Variants in PITPNA observed in about 807,000 individuals in gnomAD.
The protein encoded by PITPNA is phosphatidylinositol transfer protein alpha isoform.
A neutral mutation model predicts 50.3 loss-of-function variants in PITPNA; 13 were observed. That is an observed-to-expected ratio of 0.26 (90% confidence interval 0.17 to 0.41). The LOEUF is 0.41. Among genes scored for constraint, PITPNA ranks in the 10% least tolerant of loss-of-function variants. PITPNA has a pLI of 1.00. For missense variants in PITPNA, 207 were observed against 333.4 expected, an observed-to-expected ratio of 0.62 and a Z score of 2.95; for synonymous variants, 120 against 119.6, an observed-to-expected ratio of 1.00 and a Z score of -0.02.
chr17:1,551,287 T>TC (rs921001036), intron 3 of PITPNA, among the ~76,000 whole-genome samples: 1 of 151,308 alleles, frequency 6.6e-6, no homozygotes, highest in African/African-American at 2.4e-5. Flanking sequence ...TTCTTTTTTT[T>TC]CTTTTTTTTT....
chr17:1,553,225 T>G (rs980446919), intron 2 of PITPNA, 76 bp from the exon 3 acceptor site: 1 of 1,503,172 alleles, frequency 6.7e-7, no homozygotes, highest in Non-Finnish European at 9.2e-7. Context: ...TGCCAGTAAG[T>G]GTCTAACTGG....
chr17:1,543,585 C>T (rs1453050964), intron 4 of PITPNA, among the ~76,000 whole-genome samples: 1 of 152,148 alleles, frequency 6.6e-6, no homozygotes, highest in African/African-American at 2.4e-5. Context: ...GGGGAACAGA[C>T]TAGCTCTGCT....
intron 10 of PITPNA, among the ~76,000 whole-genome samples, chr17:1,529,983 G>A (rs777778062): frequency 2.0e-5 from 3 of 151,928 alleles, no homozygotes; most frequent in Admixed American, 1.3e-4. Context: ...ATTATAAAAC[G>A]TCCTCAACTT....
chr17:1,532,799 C>G (rs2075592583), intron 10 of PITPNA, among the ~76,000 whole-genome samples: 1 of 152,170 alleles, frequency 6.6e-6, no homozygotes, highest in South Asian at 2.1e-4. Context: ...GGGACTGTGC[C>G]CCAATGAAAT....
At chr17:1,526,533 A>G (rs1030735567) in intron 10 of PITPNA, among the ~76,000 whole-genome samples, 1 of 152,226 alleles carries the variant, frequency 6.6e-6, no homozygotes, top group South Asian at 2.1e-4. Context: ...ACCATTTACA[A>G]AAGTTTTCAA....
At position 1,547,448 on chromosome 17, in the gene PITPNA, G is replaced by A. The variant is rs541161261; in HGVS notation, c.289+848C>T. Among the ~76,000 whole-genome samples the A allele has an allele frequency of 5.3e-5, 8 of 152,174 alleles. No homozygotes were observed. In the South Asian group the frequency reaches 1.5e-3, roughly 28 times the overall value. The stretch of plus-strand genomic sequence containing the variant: ...GTGGATCACTTGAAGTCAGGAGTTC[G>A]AGACCAGCCTGGCCAACATGGTGAA... On this transcript the variant is annotated intron_variant, in intron 4 of 11. Coordinates refer to ENST00000313486, the MANE Select transcript of PITPNA (RefSeq NM_006224.4).
intron 9 of PITPNA, 113 bp from the exon 10 acceptor site, chr17:1,534,334 G>T (rs1469473049): frequency 7.5e-7 from 1 of 1,325,512 alleles, no homozygotes; most frequent in African/African-American, 1.5e-5. Context: ...CGGGCGGACA[G>T]GAGGAGGAGT....
chr17:1,522,820 T>C (rs1266543476), intron 10 of PITPNA, among the ~76,000 whole-genome samples: 2 of 152,228 alleles, frequency 1.3e-5, no homozygotes, highest in African/African-American at 2.4e-5. Context: ...CAGCTAGGAC[T>C]GTGGGCTGCT....
chr17:1,534,180 G>C lies in PITPNA; in HGVS notation c.687C>G (p.Phe229Leu), dbSNP rs1246702642. ...GGTCAACCCACTTATCGAGCCAACA[G>C]AACAGCTGCCTGTGGAAGTTTGTAA... The part of the protein sequence containing the change: ...RLFTNFHRQL[F>L]CWLDKWVDLT... The change falls in exon 10 of 12, where the codon TTC becomes TTG. Residue 229 changes from phenylalanine to leucine, a missense_variant. Physicochemically the swap from Phe to Leu is conservative, Grantham distance 22 (BLOSUM62 0). Transcript: ENST00000313486. 3.1e-6 allele frequency: 5 copies of C among 1,613,752 alleles called. No individual in the cohort carries two copies. The highest frequency in any genetic ancestry group is 3.4e-6 in the Non-Finnish European group (4 of 1,179,848).
intron 4 of PITPNA, among the ~76,000 whole-genome samples, chr17:1,547,976 A>G (rs2075686335): frequency 6.6e-6 from 1 of 152,254 alleles, no homozygotes; most frequent in African/African-American, 2.4e-5. Flanking sequence ...TCTGGGCAAC[A>G]GAGCGAGACT....
intron 4 of PITPNA, among the ~76,000 whole-genome samples, chr17:1,544,715 A>C (rs1353420324): frequency 1.3e-5 from 2 of 152,240 alleles, no homozygotes; most frequent in Non-Finnish European, 2.9e-5. Context: ...AGGCGGGCGG[A>C]TCACCTGAGG....
At chr17:1,541,519 A>C in intron 6 of PITPNA, 47 bp downstream of exon 6, 2 of 1,344,422 alleles carry the variant, frequency 1.5e-6, no homozygotes, top group South Asian at 1.2e-5. Flanking sequence ...GCTACAAGGC[A>C]GAGACTCAAG....
intron 3 of PITPNA, among the ~76,000 whole-genome samples, 199 bp from the exon 4 acceptor site, chr17:1,548,586 C>T (rs2075691172): frequency 2.0e-5 from 3 of 152,072 alleles, no homozygotes; most frequent in Admixed American, 2.0e-4. Context: ...CCACGACGTG[C>T]CCCACCAGCC....
At position 1,534,144 on chromosome 17, in the gene PITPNA, G is replaced by A. The variant is rs367888223; in HGVS notation, c.723C>T (p.Asp241=). Residue 241 remains aspartate, a synonymous_variant, in exon 10 of 12, where the codon GAC becomes GAT. Transcript: ENST00000313486. ...WLDKWVDLTM[D]DIRRMEEETK... Reference sequence around the variant, plus strand: ...TCTCTTCTTCCATCCTTCGAATGTCGTCCATGGTCAGGTCAACCCACTTAT... The same window carrying A: ...TCTCTTCTTCCATCCTTCGAATGTCATCCATGGTCAGGTCAACCCACTTAT... The A allele has an allele frequency of 1.2e-5, 20 of 1,613,594 alleles. No homozygotes were observed. Among genetic ancestry groups the A allele is most frequent in the Non-Finnish European group, 1.4e-5 (16 of 1,179,796 alleles).
At chr17:1,532,599 T>G (rs1337441517) in intron 10 of PITPNA, among the ~76,000 whole-genome samples, 1 of 152,194 alleles carries the variant, frequency 6.6e-6, no homozygotes, top group Admixed American at 6.5e-5. Context: ...TGTCAGGCAG[T>G]GGATGGCTGA....
chr17:1,549,155 C>G (rs1340482654), intron 3 of PITPNA, among the ~76,000 whole-genome samples: 1 of 152,008 alleles, frequency 6.6e-6, no homozygotes, highest in East Asian at 1.9e-4. Context: ...ATCCACCCAC[C>G]TTGGCCTCCC....
At chr17:1,536,581 G>T (rs537085383) in intron 7 of PITPNA, among the ~76,000 whole-genome samples, 3 of 150,838 alleles carry the variant, frequency 2.0e-5, no homozygotes, top group Non-Finnish European at 4.4e-5. Flanking sequence ...GAGCCACCGC[G>T]CCCTGCCTTA....
chr17:1,550,169 G>C (rs1464965506), intron 3 of PITPNA, among the ~76,000 whole-genome samples: 1 of 152,160 alleles, frequency 6.6e-6, no homozygotes, highest in Non-Finnish European at 1.5e-5. Flanking sequence ...CCAGGCAGGG[G>C]GACACACAGA....
In PITPNA at chr17:1,550,310, G is replaced by C. The variant is rs182482289; in HGVS notation, c.198-1923C>G. 2.6e-5 allele frequency among the ~76,000 whole-genome samples: 4 copies of C among 152,354 alleles called. No homozygotes were observed. In the East Asian group the frequency reaches 7.7e-4, roughly 29 times the overall value. ...TGGGCACAGGGCCCTGGGTGGCGGA[G>C]TGCTGTGAGAACACAGTGGGGGACA... On this transcript the variant is annotated intron_variant, in intron 3 of 11. Coordinates refer to ENST00000313486, the MANE Select transcript of PITPNA (RefSeq NM_006224.4).
Sources: allele counts gnomAD v4.1 joint callset (sites outside exome capture counted in the v4.1 genomes callset), GRCh38; gene constraint gnomAD v4.1.1; transcripts MANE v1.5; gene names NCBI Gene and HGNC (gene_info 2026-07-23, HGNC 2026-07-21).